Variants in MYH3 observed in about 807,000 individuals in gnomAD.
The protein encoded by MYH3 is myosin heavy chain 3.
In MYH3, 130 loss-of-function variants were observed where a neutral mutation model predicts 238.0. The observed-to-expected ratio is 0.55, with a 90% confidence interval of 0.47 to 0.63. MYH3 has a LOEUF of 0.63. MYH3 is among the 30% of genes least tolerant of loss of function. The probability of loss-of-function intolerance (pLI) is 0.00; values close to 1 mark genes in which losing one functional copy is unlikely to be tolerated. For synonymous variants in MYH3, 880 were observed against 924.1 expected (o/e 0.95, Z 0.86); for missense variants, 1,853 against 2,374.9 (o/e 0.78, Z 4.57).
rs765508091 is a variant in MYH3, at chr17:10,635,447, C to T, written c.4092G>A (p.Lys1364=). Residue 1364 remains lysine (K), a synonymous_variant, in exon 30 of 41, where the codon AAG becomes AAA. Coordinates refer to ENST00000583535, the MANE Select transcript of MYH3 (RefSeq NM_002470.4). The part of the protein sequence containing the change: ...GKAELQRALS[K]ANSEVAQWRT... ...TCCACTGGGCAACCTCACTATTGGC[C>T]TTGGACAGCGCCCTCTGCAGCTCAG... 2.5e-6 allele frequency: 4 copies of T among 1,614,114 alleles called. No homozygotes were observed. The Admixed American group carries it at 6.7e-5, about 27-fold the overall frequency.
At chr17:10,664,579 GA>G in the MYH3 span, among the ~76,000 whole-genome samples, 1 of 151,190 alleles carries the variant, frequency 6.6e-6, no homozygotes, top group Non-Finnish European at 1.5e-5. Flanking sequence ...AGCTGGTGCT[GA>G]AAGATGAACA....
chr17:10,648,637 C>G lies in MYH3; in HGVS notation c.655G>C (p.Asp219His), dbSNP rs558967135. 2.5e-6 allele frequency: 4 copies of G among 1,613,654 alleles called. No individual in the cohort carries two copies. Among genetic ancestry groups the G allele is most frequent in the South Asian group, 1.1e-5 (1 of 91,060 alleles). ...KDSKMKGTLE[D>H]QIISANPLLE... ...AGGGGATTGGCACTGATGATTTGAT[C>G]TTCCAGAGTCCCCTAATGCAAGAAA... The change falls in exon 8 of 41, where the codon GAT becomes CAT. Residue 219 changes from aspartate (D) to histidine (H), a missense_variant. Around this residue, in one of 3 missense-constraint regions of MYH3, gnomAD observed 678 missense variants for 1,058.9 expected, o/e 0.64. Transcript: ENST00000583535.
At chr17:10,651,194 A>AAC (rs2074371147) in intron 5 of MYH3, among the ~76,000 whole-genome samples, 2 of 151,586 alleles carry the variant, frequency 1.3e-5, no homozygotes, top group South Asian at 2.1e-4. Flanking sequence ...CAAAAAAAAA[A>AAC]AAAAAAAACC....
At chr17:10,666,891 A>C in the MYH3 span, among the ~76,000 whole-genome samples, 1 of 152,234 alleles carries the variant, frequency 6.6e-6, no homozygotes, top group Non-Finnish European at 1.5e-5. Flanking sequence ...GAAAACAACA[A>C]AACCCTGCAG....
intron 36 of MYH3, 36 bp downstream of exon 36, chr17:10,631,575 C>T (rs2074157575): frequency 6.2e-6 from 10 of 1,614,042 alleles, no homozygotes; most frequent in East Asian, 2.2e-5. Context: ...AATGCAATCC[C>T]GGCAGCCCGA....
intron 34 of MYH3, 77 bp from the exon 35 acceptor site, chr17:10,632,093 T>C: frequency 6.9e-7 from 1 of 1,446,632 alleles, no homozygotes; most frequent in East Asian, 2.5e-5. Context: ...CTCTGAGTTT[T>C]GTTTGTTTGT....
At chr17:10,649,436 C>T (rs2074354360) in intron 7 of MYH3, 141 bp downstream of exon 7, 1 of 746,264 alleles carries the variant, frequency 1.3e-6, no homozygotes, top group Non-Finnish European at 2.4e-6. Context: ...AGGTGACTGG[C>T]TGTCCTTCAA....
rs764663924 is a variant in MYH3 at position 10,641,201 on chromosome 17, C to G, written c.2049G>C (p.Gly683=). The G allele has an allele frequency of 5.6e-6, 9 of 1,613,506 alleles. No individual in the cohort carries two copies. The highest frequency in any genetic ancestry group is 6.8e-6 in the Non-Finnish European group (8 of 1,179,582). The change falls in exon 19 of 41, where the codon GGG becomes GGC. Residue 683 remains glycine, a splice_region_variant and synonymous_variant. Transcript: ENST00000583535. ...CIIPNETKTP[G]AMEHSLVLHQ... ...GCAGAACAAGGCTGTGTTCCATAGC[C>G]CCTGGGAACAGAAGCGAGATATCAG...
the MYH3 span, among the ~76,000 whole-genome samples, chr17:10,669,772 G>A: frequency 1.6e-4 from 25 of 152,012 alleles, no homozygotes; most frequent in Non-Finnish European, 1.5e-5. Context: ...TCAGCTGGGC[G>A]TGGTGGTATG....
In MYH3 at chr17:10,654,334, C is replaced by T. The variant is rs1165471992; in HGVS notation, c.204+527G>A. ...AACTAGTGAGCTCCAGAATTCCTCG[C>T]AGCACCCCCACAGTGGCTTGGGCCA... On this transcript the variant is annotated intron_variant, in intron 3 of 40. Coordinates refer to ENST00000583535, the MANE Select transcript of MYH3 (RefSeq NM_002470.4). The surrounding 1 kb of genome is among the most constrained non-coding windows in gnomAD (Gnocchi z 4.5). Among the ~76,000 whole-genome samples the T allele has an allele frequency of 6.6e-6, 1 of 152,186 alleles. No individual in the cohort carries two copies. The highest frequency in any genetic ancestry group is 1.5e-5 in the Non-Finnish European group (1 of 68,048).
intron 2 of MYH3, among the ~76,000 whole-genome samples, chr17:10,655,858 G>A (rs957194611): frequency 6.6e-6 from 1 of 152,076 alleles, no homozygotes; most frequent in African/African-American, 2.4e-5. Context: ...CACCATGTTG[G>A]TCAGGCTGGT....
chr17:10,652,328 A>G, intron 4 of MYH3, 92 bp downstream of exon 4: 1 of 1,494,378 alleles, frequency 6.7e-7, no homozygotes, highest in Non-Finnish European at 9.2e-7. Context: ...CTCATCTTCC[A>G]GAATCCCACG....
Position 10,640,086 on chromosome 17 carries a change from G to A in MYH3, c.2592C>T (p.Leu864=), listed in dbSNP as rs770882128. ...CCTTCCTTTTTGCCTCCGACTTGGC[G>A]AGTTCATCTTTGGTTTTCTGGAATT... is the stretch of plus-strand genomic sequence containing the variant. ...KEEFQKTKDE[L]AKSEAKRKEL... Residue 864 remains leucine, a synonymous_variant, in exon 22 of 41, where the codon CTC becomes CTT. Coordinates refer to ENST00000583535, the MANE Select transcript of MYH3 (RefSeq NM_002470.4). 2.2e-5 allele frequency: 36 copies of A among 1,613,954 alleles called. No homozygotes were observed. Among genetic ancestry groups the A allele is most frequent in the Admixed American group, 6.7e-5 (4 of 59,986 alleles).
At chr17:10,666,024 GGT>G in the MYH3 span, among the ~76,000 whole-genome samples, 1 of 152,054 alleles carries the variant, frequency 6.6e-6, no homozygotes, top group Non-Finnish European at 1.5e-5. Context: ...TTTAATAAGT[GGT>G]GATGAGACAA....
intron 34 of MYH3, 49 bp from the exon 35 acceptor site, chr17:10,632,065 C>G (rs1001904226): frequency 9.5e-6 from 15 of 1,586,680 alleles, no homozygotes; most frequent in Non-Finnish European, 1.2e-5. Context: ...GCGTTAGGAC[C>G]ACGAGCCTCA....
In MYH3 at chr17:10,632,723, T is replaced by C. The variant is rs929625003; in HGVS notation, c.4709A>G (p.Lys1570Arg). The part of the protein sequence containing the change: ...LRIQLELTQV[K>R]SEIDRKIAEK... ...GGCGATCTTTCTATCAATTTCTGAT[T>C]TCACTTGTGTCAATTCAAGCTGGAT... Residue 1570 changes from lysine to arginine, a missense_variant, in exon 34 of 41, where the codon AAA (lysine) becomes AGA (arginine). Physicochemically the swap from Lys to Arg is conservative, Grantham distance 26. Coordinates refer to ENST00000583535, the MANE Select transcript of MYH3 (RefSeq NM_002470.4). 6.2e-7 allele frequency: 1 copy of C among 1,614,114 alleles called. No homozygotes were observed. Among genetic ancestry groups the C allele is most frequent in the African/African-American group, 1.3e-5 (1 of 74,948 alleles).
At position 10,642,952 on chromosome 17, in the gene MYH3, T is replaced by C; in HGVS notation, c.1455A>G (p.Lys485=). 1 of 1,614,200 alleles carries C rather than the reference T, an allele frequency of 6.2e-7. No homozygotes were observed. Among genetic ancestry groups the C allele is most frequent in the African/African-American group, 1.3e-5 (1 of 75,044 alleles). ...TGTGGTGGTTGAAAAACTGTTGCAG[T>C]TTCTCATTGGTGAAGTTGATGCACA... The part of the protein sequence containing the change: ...EQLCINFTNE[K]LQQFFNHHMF... Residue 485 remains lysine, a synonymous_variant, in exon 15 of 41, where the codon AAA becomes AAG. Coordinates refer to ENST00000583535, the MANE Select transcript of MYH3 (RefSeq NM_002470.4). This position sits in a 1 kb window ranked among gnomAD's most constrained non-coding sequence, Gnocchi z 5.4.
chr17:10,639,967 A>T (rs759077423), intron 22 of MYH3, 29 bp downstream of exon 22: 26 of 441,896 alleles, frequency 5.9e-5, no homozygotes, highest in East Asian at 9.2e-5. Context: ...GAAGAGTTAA[A>T]AAAAAAAAAA....
At chr17:10,648,764 C>T (rs1315331684) in intron 7 of MYH3, 115 bp from the exon 8 acceptor site, 2 of 856,638 alleles carry the variant, frequency 2.3e-6, no homozygotes, top group South Asian at 1.4e-5. Flanking sequence ...CAACCTCCAC[C>T]TCCCGGGTTC....
Sources: allele counts gnomAD v4.1 joint callset (sites outside exome capture counted in the v4.1 genomes callset), GRCh38; gene constraint gnomAD v4.1.1; regional missense constraint gnomAD v4.1.1; non-coding constraint Gnocchi (gnomAD v3.1); transcripts MANE v1.5; gene names NCBI Gene and HGNC (gene_info 2026-07-23, HGNC 2026-07-21).